LRRC4C: variants seen among roughly 807,000 people sequenced by gnomAD.
LRRC4C encodes the protein leucine rich repeat containing 4C, also known as leucine-rich repeat-containing protein 4C.
A neutral mutation model predicts 33.6 loss-of-function variants in LRRC4C; 5 were observed. The observed-to-expected ratio is 0.15, with a 90% confidence interval of 0.08 to 0.31. The LOEUF (loss-of-function observed/expected upper bound fraction) is 0.31, where lower values mean the gene tolerates loss of function less well. LRRC4C is among the 10% of genes least tolerant of loss of function. The probability of loss-of-function intolerance (pLI) is 1.00; values close to 1 mark genes in which losing one functional copy is unlikely to be tolerated. For missense variants in LRRC4C, 560 were observed against 796.7 expected (o/e 0.70, Z 3.58); for synonymous variants, 329 against 302.0 (o/e 1.09, Z -0.93).
chr11:40,336,950 CTG>C (rs1382871265), intron 3 of LRRC4C, among the ~76,000 whole-genome samples: 5 of 116,174 alleles, frequency 4.3e-5, no homozygotes, highest in Non-Finnish European at 6.5e-5. Context: ...GCACTCCAGC[CTG>C]GGGGACAGAG....
At chr11:41,252,544 C>T (rs4623892) in intron 1 of LRRC4C, among the ~76,000 whole-genome samples, 27,052 of 151,890 alleles carry the variant, frequency 0.18, 2,973 homozygotes, top group East Asian at 0.44. Context: ...AAAGTCTTCT[C>T]GGGCAAGAAT....
chr11:40,263,325 G>GT (rs1314618869), intron 4 of LRRC4C, among the ~76,000 whole-genome samples: 109 of 151,592 alleles, frequency 7.2e-4, no homozygotes, highest in South Asian at 4.6e-3. Context: ...AAATTGGTAG[G>GT]TTTTTCTTTG....
chr11:40,653,821 C>T (rs1328583486), intron 2 of LRRC4C, among the ~76,000 whole-genome samples: 1 of 152,184 alleles, frequency 6.6e-6, no homozygotes, highest in Non-Finnish European at 1.5e-5. Flanking sequence ...CAGCCCCACC[C>T]ATCACAGGCC....
At chr11:41,210,879 G>C (rs1327838966) in intron 1 of LRRC4C, among the ~76,000 whole-genome samples, 1 of 152,124 alleles carries the variant, frequency 6.6e-6, no homozygotes, top group Non-Finnish European at 1.5e-5. Flanking sequence ...ATGGTTTGGG[G>C]ATAAAACTGC....
At chr11:40,533,653 C>T (rs1295392965) in intron 3 of LRRC4C, among the ~76,000 whole-genome samples, 2 of 152,144 alleles carry the variant, frequency 1.3e-5, no homozygotes, top group East Asian at 3.9e-4. Flanking sequence ...AAGGCTCACC[C>T]TCTATTTCCA....
At chr11:40,652,515 G>C (rs1279316213) in intron 2 of LRRC4C, among the ~76,000 whole-genome samples, 1 of 152,166 alleles carries the variant, frequency 6.6e-6, no homozygotes, top group Non-Finnish European at 1.5e-5. Flanking sequence ...AGAGAAAGTA[G>C]TGTTTAAAAA....
intron 3 of LRRC4C, among the ~76,000 whole-genome samples, chr11:40,343,747 G>C (rs1182188480): frequency 7.1e-6 from 1 of 140,684 alleles, no homozygotes; most frequent in Non-Finnish European, 1.5e-5. Context: ...GAGATAGACT[G>C]TTAGCTAGCC....
At chr11:40,788,668 C>G (rs1320668773) in intron 2 of LRRC4C, among the ~76,000 whole-genome samples, 1 of 152,162 alleles carries the variant, frequency 6.6e-6, no homozygotes, top group East Asian at 1.9e-4. Flanking sequence ...GGTAGCTGCT[C>G]TAACATTTTT....
chr11:41,015,591 G>A (rs1265032690), intron 1 of LRRC4C, among the ~76,000 whole-genome samples: 2 of 152,148 alleles, frequency 1.3e-5, no homozygotes, highest in Non-Finnish European at 2.9e-5. Context: ...TAGGATTACA[G>A]GCGTGAGCCA....
At chr11:40,790,693 C>T (rs2137376788) in intron 2 of LRRC4C, among the ~76,000 whole-genome samples, 1 of 152,292 alleles carries the variant, frequency 6.6e-6, no homozygotes, top group Non-Finnish European at 1.5e-5. Context: ...CTTTCAGGGA[C>T]TAGATCCTAT....
At chr11:41,249,519 C>T (rs1948570296) in intron 1 of LRRC4C, among the ~76,000 whole-genome samples, 3 of 152,130 alleles carry the variant, frequency 2.0e-5, no homozygotes, top group African/African-American at 7.2e-5. Flanking sequence ...ATACAGAAAA[C>T]TTACCATGAC....
intron 3 of LRRC4C, among the ~76,000 whole-genome samples, chr11:40,395,404 A>G (rs1024595397): frequency 6.6e-6 from 1 of 152,138 alleles, no homozygotes; most frequent in Non-Finnish European, 1.5e-5. Context: ...CTAACTAGGT[A>G]CTTTCTCTCA....
chr11:40,535,922 G>A (rs892160640), intron 3 of LRRC4C, among the ~76,000 whole-genome samples: 3 of 152,150 alleles, frequency 2.0e-5, no homozygotes, highest in Non-Finnish European at 4.4e-5. Flanking sequence ...TTTTGCAGAC[G>A]CTATGCATTT....
At chr11:40,539,970 A>AT (rs999989572) in intron 3 of LRRC4C, among the ~76,000 whole-genome samples, 5 of 151,974 alleles carry the variant, frequency 3.3e-5, no homozygotes, top group East Asian at 3.9e-4. Flanking sequence ...TAAAATTGTA[A>AT]TTTTTTTTGT....
At chr11:41,363,780 G>A (rs1038898058) in intron 1 of LRRC4C, among the ~76,000 whole-genome samples, 76 of 152,098 alleles carry the variant, frequency 5.0e-4, no homozygotes, top group Middle Eastern at 3.4e-3. Flanking sequence ...ATTCACCCCC[G>A]CCAACAGCAA....
chr11:40,748,772 T>C (rs978895355), intron 2 of LRRC4C, among the ~76,000 whole-genome samples: 2 of 152,040 alleles, frequency 1.3e-5, no homozygotes, highest in East Asian at 1.9e-4. Context: ...AGATTGAAAG[T>C]AAAGGAATGT....
At chr11:41,218,652 A>T (rs1947167276) in intron 1 of LRRC4C, among the ~76,000 whole-genome samples, 1 of 152,214 alleles carries the variant, frequency 6.6e-6, no homozygotes, top group Admixed American at 6.5e-5. Flanking sequence ...CTATATGCTC[A>T]GAAAGCCATT....
chr11:41,414,704 G>T, intron 1 of LRRC4C, among the ~76,000 whole-genome samples: 1 of 151,952 alleles, frequency 6.6e-6, no homozygotes, highest in East Asian at 1.9e-4. Context: ...AGAGAAGTGG[G>T]GAGTAAAGGT....
chr11:41,165,474 C>T (rs1944678356), intron 1 of LRRC4C, among the ~76,000 whole-genome samples: 1 of 152,090 alleles, frequency 6.6e-6, no homozygotes, highest in African/African-American at 2.4e-5. Context: ...ATATTACACA[C>T]ACCATCTTAT....
Sources: gnomAD v4.1 joint callset for allele counts (sites outside exome capture counted in the v4.1 genomes callset) on GRCh38, gnomAD v4.1.1 for gene constraint, MANE v1.5 for transcripts, NCBI Gene and HGNC (gene_info 2026-07-23, HGNC 2026-07-21) for gene names.